SLC47A1: variants seen among roughly 807,000 people sequenced by gnomAD.
SLC47A1 encodes solute carrier family 47 member 1, also known as multidrug and toxin extrusion protein 1.
In SLC47A1, 58 loss-of-function variants were observed where a neutral mutation model predicts 65.8. The observed-to-expected ratio is 0.88, with a 90% CI of 0.71 to 1.10. The LOEUF (loss-of-function observed/expected upper bound fraction) is 1.10. SLC47A1 is among the 50% of genes least tolerant of loss of function. The pLI is 0.00. For missense variants in SLC47A1, 706 were observed against 719.2 expected, an observed-to-expected ratio of 0.98 and a Z score of 0.21; for synonymous variants, 285 against 295.0, an observed-to-expected ratio of 0.97 and a Z score of 0.35.
chr17:19,574,900 T>A (rs1030728352), intron 16 of SLC47A1, among the ~76,000 whole-genome samples: 1 of 152,164 alleles, frequency 6.6e-6, no homozygotes, highest in Admixed American at 6.5e-5. Context: ...CCTCCCAAAG[T>A]ACTGGGATTA....
intron 2 of SLC47A1, among the ~76,000 whole-genome samples, chr17:19,546,155 G>A (rs896222468): frequency 6.6e-6 from 1 of 152,162 alleles, no homozygotes; most frequent in African/African-American, 2.4e-5. Flanking sequence ...AGGAGGTGGA[G>A]GTTGCAGTGA....
chr17:19,549,570 T>C lies in SLC47A1; in HGVS notation c.456-65T>C, dbSNP rs906931834. The stretch of plus-strand genomic sequence containing the variant: ...GCAGTTTTAGTTATTTTCTTCTGCC[T>C]AACTTTCCCTGGAAACAGAGGCCTC... On this transcript the variant is annotated intron_variant, in intron 4 of 16. Coordinates refer to ENST00000270570, the MANE Select transcript of SLC47A1 (RefSeq NM_018242.3). 5 of 1,519,414 alleles carry C rather than the reference T, an allele frequency of 3.3e-6. No individual in the cohort carries two copies. The Admixed American group carries it at 5.0e-5, about 15-fold the overall frequency. 94.1% of individuals were successfully genotyped at this position (1,519,414 alleles called of 1,614,324 possible).
chr17:19,567,961 C>T (rs879386666), intron 14 of SLC47A1: 1 of 152,236 alleles, frequency 6.6e-6, no homozygotes, highest in Non-Finnish European at 1.5e-5. Flanking sequence ...ACTTAATCCA[C>T]AGCATCTGAA....
At position 19,577,319 on chromosome 17, in the gene SLC47A1, C is replaced by T. The variant is rs563566796; in HGVS notation, c.1487-8C>T. ...CTTTTAAGCTGCTAAGTTCCTTTTT[C>T]CTCCCAGGGTGCCCTGAAAACCTTG... On this transcript the variant is annotated splice_polypyrimidine_tract_variant and splice_region_variant and intron_variant, in intron 16 of 16. Transcript: ENST00000270570. 2.6e-5 allele frequency: 42 copies of T among 1,608,760 alleles called. 2 individuals are homozygous for T. The South Asian group carries it at 4.5e-4, about 17-fold the overall frequency.
chr17:19,566,550 T>G (rs2084359323), intron 12 of SLC47A1, among the ~76,000 whole-genome samples: 1 of 152,212 alleles, frequency 6.6e-6, no homozygotes, highest in South Asian at 2.1e-4. Flanking sequence ...CTCAGCCTCC[T>G]GAGTAGCTGG....
chr17:19,569,282 G>C (rs2084382250), intron 14 of SLC47A1, among the ~76,000 whole-genome samples: 1 of 151,958 alleles, frequency 6.6e-6, no homozygotes, highest in South Asian at 2.1e-4. Flanking sequence ...TGAGGCACAA[G>C]AATTGCTTGA....
At chr17:19,556,822 G>T (rs1916628439) in intron 10 of SLC47A1, among the ~76,000 whole-genome samples, 1 of 152,210 alleles carries the variant, frequency 6.6e-6, no homozygotes, top group Admixed American at 6.5e-5. Flanking sequence ...CTCTCAAAGT[G>T]TTGGGATTAC....
At chr17:19,575,203 TG>T (rs1010592217) in intron 16 of SLC47A1, among the ~76,000 whole-genome samples, 1 of 151,792 alleles carries the variant, frequency 6.6e-6, no homozygotes, top group African/African-American at 2.4e-5. Context: ...TCCAAAGTGC[TG>T]GGATTAGAGG....
intron 1 of SLC47A1, among the ~76,000 whole-genome samples, chr17:19,538,130 C>T (rs541038729): frequency 6.6e-5 from 10 of 152,366 alleles, no homozygotes; most frequent in South Asian, 2.1e-4. Context: ...GATGAGATCA[C>T]GGATTGCGAG....
At chr17:19,540,849 GACAC>G (rs144308134) in intron 1 of SLC47A1, among the ~76,000 whole-genome samples, 4 of 143,002 alleles carry the variant, frequency 2.8e-5, no homozygotes, top group Middle Eastern at 3.5e-3. Context: ...TCCTACAACA[GACAC>G]ACACACACAC....
Position 19,566,785 on chromosome 17 carries a change from AAC to A in SLC47A1, c.1107-3_1107-2del. The A allele has an allele frequency of 6.2e-7, 1 of 1,613,988 alleles. No individual in the cohort carries two copies. Among genetic ancestry groups the A allele is most frequent in the East Asian group, 2.2e-5 (1 of 44,872 alleles). On this transcript the variant is annotated splice_polypyrimidine_tract_variant and splice_region_variant and intron_variant, in intron 12 of 16. Coordinates refer to ENST00000270570, the MANE Select transcript of SLC47A1 (RefSeq NM_018242.3). Reference sequence around the variant, plus strand: ...TAATCACCACGTGCTTTATTTTCCTAACAGAGACATCATTAATCTGGTGGCTC... The same window carrying A: ...TAATCACCACGTGCTTTATTTTCCTAAGAGACATCATTAATCTGGTGGCTC...
At chr17:19,572,898 T>C in intron 16 of SLC47A1, 37 bp downstream of exon 16, 1 of 1,588,336 alleles carries the variant, frequency 6.3e-7, no homozygotes, top group Non-Finnish European at 8.6e-7. Context: ...GACAGGCCTG[T>C]CTAGGTAGGA....
chr17:19,566,698 T>A (rs1779278620), intron 12 of SLC47A1, 92 bp from the exon 13 acceptor site: 1 of 1,196,916 alleles, frequency 8.4e-7, no homozygotes, highest in Admixed American at 1.8e-5. Context: ...GTGCTGAGAT[T>A]ACAGGCATGA....
Position 19,560,432 on chromosome 17 carries a change from G to A in SLC47A1, c.1045G>A (p.Ala349Thr), listed in dbSNP as rs2084299948. ...TTTACCTTCAGTGCTCTTTGCTGTA[G>A]CCTTCAGTGTCCTGCTGTTAAGCTG... ...SLLITVLFAV[A>T]FSVLLLSCKD... Residue 349 changes from alanine (A) to threonine (T), a missense_variant, in exon 12 of 17, where the codon GCC (alanine) becomes ACC (threonine). By Grantham distance (58) the Ala-to-Thr change is moderately conservative. Coordinates refer to ENST00000270570, the MANE Select transcript of SLC47A1 (RefSeq NM_018242.3). The A allele has an allele frequency of 1.2e-6, 2 of 1,614,022 alleles. No individual in the cohort carries two copies. The highest frequency in any genetic ancestry group is 1.7e-6 in the Non-Finnish European group (2 of 1,180,034).
intron 16 of SLC47A1, among the ~76,000 whole-genome samples, chr17:19,575,586 G>A (rs1435922023): frequency 1.3e-5 from 2 of 152,046 alleles, no homozygotes; most frequent in Non-Finnish European, 2.9e-5. Flanking sequence ...TTTTTGTAGA[G>A]ACCAGGTCTT....
intron 16 of SLC47A1, among the ~76,000 whole-genome samples, chr17:19,573,438 A>G (rs866085784): frequency 6.6e-6 from 1 of 151,912 alleles, no homozygotes; most frequent in Middle Eastern, 3.4e-3. Context: ...GCCAATTTTC[A>G]TTCATGTTGT....
chr17:19,567,523 C>T (rs1481327257), intron 14 of SLC47A1, among the ~76,000 whole-genome samples: 1 of 152,198 alleles, frequency 6.6e-6, no homozygotes, highest in African/African-American at 2.4e-5. Context: ...ATCCAGCCCT[C>T]ACTTCTCTAA....
intron 16 of SLC47A1, among the ~76,000 whole-genome samples, chr17:19,573,921 T>A (rs1379280055): frequency 1.3e-5 from 1 of 78,090 alleles, no homozygotes; most frequent in South Asian, 3.4e-4. Context: ...TGGTTCATGC[T>A]TTTTTTTTTT....
chr17:19,566,905 A>AT (rs767428148), intron 13 of SLC47A1, 46 bp downstream of exon 13: 5 of 1,603,790 alleles, frequency 3.1e-6, no homozygotes, highest in Non-Finnish European at 3.4e-6. Context: ...TGATCTTCTG[A>AT]TGGTGGTAAA....
Sources: gnomAD v4.1 joint callset for allele counts (sites outside exome capture counted in the v4.1 genomes callset) on GRCh38, gnomAD v4.1.1 for gene constraint, MANE v1.5 for transcripts, NCBI Gene and HGNC (gene_info 2026-07-23, HGNC 2026-07-21) for gene names.